The following EML1 variants were observed in gnomAD, a reference collection of about 807,000 sequenced individuals.
The protein encoded by EML1 is EMAP like 1.
Under a neutral mutation model 110.4 loss-of-function variants are expected in EML1, and 27 were observed. The ratio of observed to expected loss-of-function variants is 0.24; its 90% CI spans 0.18 to 0.34. EML1 has a LOEUF of 0.34. EML1 is among the 10% of genes least tolerant of loss of function. The pLI is 1.00. For synonymous variants in EML1, 344 were observed against 385.8 expected, an observed-to-expected ratio of 0.89 and a Z score of 1.27; for missense variants, 741 against 1,030.9, an observed-to-expected ratio of 0.72 and a Z score of 3.85.
At chr14:99,864,413 C>A (rs1168067586) in intron 2 of EML1, among the ~76,000 whole-genome samples, 4 of 152,156 alleles carry the variant, frequency 2.6e-5, no homozygotes, top group Non-Finnish European at 5.9e-5. Context: ...CATCACCAAA[C>A]CACTTTCTTC....
At chr14:99,899,032 T>G (rs1422654848) in intron 8 of EML1, among the ~76,000 whole-genome samples, 1 of 152,202 alleles carries the variant, frequency 6.6e-6, no homozygotes, top group Non-Finnish European at 1.5e-5. Context: ...GAAGTTTGTG[T>G]CTGTGTGCAG....
At chr14:99,841,504 G>A (rs1957506) in intron 1 of EML1, among the ~76,000 whole-genome samples, 103,339 of 151,964 alleles carry the variant, frequency 0.68, 35,237 homozygotes, top group Non-Finnish European at 0.7. Flanking sequence ...CTACTGCTCA[G>A]TTTGAATCCC....
At chr14:99,801,391 G>A (rs915834727) in intron 1 of EML1, among the ~76,000 whole-genome samples, 4 of 152,070 alleles carry the variant, frequency 2.6e-5, no homozygotes, top group African/African-American at 9.7e-5. Context: ...CGAGGTGGGC[G>A]GATCATGAGG....
At chr14:99,895,753 A>G (rs540983825) in intron 6 of EML1, among the ~76,000 whole-genome samples, 3 of 94,734 alleles carry the variant, frequency 3.2e-5, no homozygotes, top group African/African-American at 1.3e-4. Context: ...TCACGTAGAT[A>G]TCATCCTACT....
chr14:99,794,371 C>A, intron 1 of EML1, among the ~76,000 whole-genome samples: 1 of 149,212 alleles, frequency 6.7e-6, no homozygotes, highest in African/African-American at 2.5e-5. Flanking sequence ...GGATTTATTG[C>A]TCCATCAAAG....
upstream of EML1, among the ~76,000 whole-genome samples, chr14:99,770,853 C>T (rs2057420192): frequency 2.2e-5 from 3 of 137,650 alleles, no homozygotes; most frequent in African/African-American, 5.4e-5. Context: ...GGCGCGATCT[C>T]GGCTCAGTGC....
intron 1 of EML1, among the ~76,000 whole-genome samples, chr14:99,807,638 A>G (rs987544950): frequency 6.6e-6 from 1 of 152,156 alleles, no homozygotes; most frequent in Non-Finnish European, 1.5e-5. Flanking sequence ...ACCCTACCCC[A>G]GGAAGAAACC....
chr14:99,798,434 C>T (rs996505315), intron 1 of EML1, among the ~76,000 whole-genome samples: 3 of 151,288 alleles, frequency 2.0e-5, no homozygotes. Flanking sequence ...ACTCTGTCGC[C>T]CAGGCTGGAG....
At chr14:99,930,271 C>T (rs569421155) in intron 17 of EML1, among the ~76,000 whole-genome samples, 1 of 152,344 alleles carries the variant, frequency 6.6e-6, no homozygotes, top group African/African-American at 2.4e-5. Context: ...TCTCGCTTCT[C>T]GCACAACAGG....
intron 1 of EML1, among the ~76,000 whole-genome samples, chr14:99,819,615 G>A (rs532242321): frequency 1.3e-5 from 2 of 152,310 alleles, no homozygotes; most frequent in East Asian, 3.9e-4. Flanking sequence ...CTGTTCCTTG[G>A]CCCTGCGGTG....
At chr14:99,913,435 C>A (rs991761773) in intron 13 of EML1, among the ~76,000 whole-genome samples, 1 of 152,098 alleles carries the variant, frequency 6.6e-6, no homozygotes, top group South Asian at 2.1e-4. Flanking sequence ...CCTCGGCCCC[C>A]CAAAGTGCTG....
chr14:99,783,936 C>T (rs955080861), intron 1 of EML1, among the ~76,000 whole-genome samples: 3 of 152,188 alleles, frequency 2.0e-5, no homozygotes, highest in East Asian at 1.9e-4. Context: ...ACAGGCAACG[C>T]GATGGAGTGA....
At chr14:99,858,555 G>A (rs1440821011) in intron 2 of EML1, among the ~76,000 whole-genome samples, 5 of 152,142 alleles carry the variant, frequency 3.3e-5, no homozygotes, top group Non-Finnish European at 7.3e-5. Context: ...ACCAGTCCCT[G>A]CAACAGGCTT....
At chr14:99,934,732 T>C (rs2060437113) in intron 17 of EML1, among the ~76,000 whole-genome samples, 2 of 152,226 alleles carry the variant, frequency 1.3e-5, no homozygotes, top group Non-Finnish European at 2.9e-5. Context: ...TTCCAGTCCT[T>C]CTTTTTGCTT....
At chr14:99,924,351 C>A (rs1368934344) in intron 17 of EML1, among the ~76,000 whole-genome samples, 1 of 152,158 alleles carries the variant, frequency 6.6e-6, no homozygotes, top group South Asian at 2.1e-4. Context: ...TCCACAGGGG[C>A]TACCTTCCAA....
At position 99,905,293 on chromosome 14, in the gene EML1, G is replaced by A. The variant is rs1027469626; in HGVS notation, c.1009-2345G>A. Among the ~76,000 whole-genome samples, 1 of 152,208 alleles carries A rather than the reference G, an allele frequency of 6.6e-6. No individual in the cohort carries two copies. The highest frequency in any genetic ancestry group is 1.5e-5 in the Non-Finnish European group (1 of 68,030). On this transcript the variant is annotated intron_variant, in intron 9 of 21. Coordinates refer to ENST00000262233, the MANE Select transcript of EML1 (RefSeq NM_004434.3). This position sits in a 1 kb window ranked among gnomAD's most constrained non-coding sequence, Gnocchi z 4.1. ...GCACCCAGCACCCAAAATCAAACTGGCAGGGCTCAGACATGCCCCTGGTCG... is the reference window on the plus strand; with the variant it reads ...GCACCCAGCACCCAAAATCAAACTGACAGGGCTCAGACATGCCCCTGGTCG...
chr14:99,823,462 G>A (rs939352862), intron 1 of EML1, among the ~76,000 whole-genome samples: 1 of 152,058 alleles, frequency 6.6e-6, no homozygotes, highest in African/African-American at 2.4e-5. Flanking sequence ...CTCTGAGCCT[G>A]AATTTCTGTG....
At chr14:99,746,297 A>G (rs371078681) in intron 1 of EML1, among the ~76,000 whole-genome samples, 1 of 152,080 alleles carries the variant, frequency 6.6e-6, no homozygotes, top group African/African-American at 2.4e-5. Flanking sequence ...CAAAGAAGGG[A>G]GCTGGGTGTG....
chr14:99,839,815 C>A (rs975835287), intron 1 of EML1, among the ~76,000 whole-genome samples: 1 of 152,206 alleles, frequency 6.6e-6, no homozygotes, highest in Admixed American at 6.5e-5. Context: ...AACGTCAGAG[C>A]CGGAGCTCTT....
Sources: allele counts gnomAD v4.1 joint callset (sites outside exome capture counted in the v4.1 genomes callset), GRCh38; gene constraint gnomAD v4.1.1; non-coding constraint Gnocchi (gnomAD v3.1); transcripts MANE v1.5; gene names NCBI Gene and HGNC (gene_info 2026-07-23, HGNC 2026-07-21).